PXDNL: variants seen among roughly 807,000 people sequenced by gnomAD.
PXDNL encodes probable oxidoreductase PXDNL.
In PXDNL, 145 loss-of-function variants were observed where a neutral mutation model predicts 150.8. The observed-to-expected ratio is 0.96, with a 90% CI of 0.84 to 1.10. PXDNL has a LOEUF of 1.10. Among genes scored for constraint, PXDNL ranks in the 50% least tolerant of loss-of-function variants. The pLI is 0.00. For missense variants in PXDNL, 2,087 were observed against 1,873.9 expected, an observed-to-expected ratio of 1.11 and a Z score of -2.10; for synonymous variants, 757 against 725.7, an observed-to-expected ratio of 1.04 and a Z score of -0.69.
At chr8:51,391,494 G>A (rs898531970) in intron 17 of PXDNL, among the ~76,000 whole-genome samples, 1 of 152,236 alleles carries the variant, frequency 6.6e-6, no homozygotes, top group African/African-American at 2.4e-5. Context: ...GATGGCAAGT[G>A]ATGGTGAGCA....
At chr8:51,564,561 A>G (rs1385782916) in intron 3 of PXDNL, among the ~76,000 whole-genome samples, 1 of 151,638 alleles carries the variant, frequency 6.6e-6, no homozygotes, top group Non-Finnish European at 1.5e-5. Flanking sequence ...CTACTTGGAC[A>G]CATTTGTGTC....
intron 4 of PXDNL, among the ~76,000 whole-genome samples, chr8:51,551,144 A>C (rs541576087): frequency 6.6e-6 from 1 of 152,194 alleles, no homozygotes; most frequent in South Asian, 2.1e-4. Context: ...TCTCTAAAAC[A>C]GAAACTAAAA....
At chr8:51,596,772 A>G (rs1378360989) in intron 2 of PXDNL, among the ~76,000 whole-genome samples, 1 of 151,752 alleles carries the variant, frequency 6.6e-6, no homozygotes, top group African/African-American at 2.4e-5. Flanking sequence ...TGCTTGTTCA[A>G]TTGTTTAAGT....
rs557820132 is a variant in PXDNL, at chr8:51,571,283, G to A, written c.309-14372C>T. 1.3e-4 allele frequency among the ~76,000 whole-genome samples: 20 copies of A among 151,840 alleles called. 1 individual carries two copies. In the South Asian group the frequency reaches 3.9e-3, roughly 30 times the overall value. ...TTTGATTCGACATTTATTCATTTTG[G>A]AAATAAGGTATTAGATTATTGCCAG... On this transcript the variant is annotated intron_variant, in intron 3 of 22. Coordinates refer to ENST00000356297, the MANE Select transcript of PXDNL (RefSeq NM_144651.5).
At chr8:51,611,157 T>C (rs138098356) in intron 2 of PXDNL, among the ~76,000 whole-genome samples, 99 of 152,182 alleles carry the variant, frequency 6.5e-4, no homozygotes, top group Non-Finnish European at 1.8e-4. Flanking sequence ...TTTATTTGTA[T>C]ATCCAAGCAA....
intron 2 of PXDNL, among the ~76,000 whole-genome samples, chr8:51,639,761 T>C (rs1814700221): frequency 6.6e-6 from 1 of 152,154 alleles, no homozygotes; most frequent in Non-Finnish European, 1.5e-5. Context: ...CACAGCCGAA[T>C]TCTACCAGAG....
At chr8:51,459,668 A>C (rs551153211) in intron 8 of PXDNL, among the ~76,000 whole-genome samples, 1 of 152,326 alleles carries the variant, frequency 6.6e-6, no homozygotes, top group East Asian at 1.9e-4. Flanking sequence ...TTCCCAAAAA[A>C]TCAAAGTCTT....
intron 19 of PXDNL, among the ~76,000 whole-genome samples, chr8:51,351,739 T>A (rs1586024903): frequency 6.6e-6 from 1 of 152,180 alleles, no homozygotes; most frequent in East Asian, 1.9e-4. Flanking sequence ...TCATGTCATC[T>A]GGGGCAGAAT....
intron 13 of PXDNL, among the ~76,000 whole-genome samples, chr8:51,424,178 C>T (rs1809028855): frequency 6.6e-6 from 1 of 151,930 alleles, no homozygotes; most frequent in Non-Finnish European, 1.5e-5. Context: ...GCCTGGGTGA[C>T]ATAGCAAGAC....
chr8:51,515,758 G>A (rs1811521111), intron 4 of PXDNL, among the ~76,000 whole-genome samples: 1 of 152,180 alleles, frequency 6.6e-6, no homozygotes, highest in Admixed American at 6.5e-5. Flanking sequence ...TCTTTTGGAA[G>A]TTTCATGGGT....
chr8:51,557,719 A>G (rs1237725423), intron 3 of PXDNL, among the ~76,000 whole-genome samples: 4 of 152,116 alleles, frequency 2.6e-5, no homozygotes, highest in Non-Finnish European at 5.9e-5. Flanking sequence ...TTCACCCACA[A>G]ACCTACTCAA....
chr8:51,703,485 T>C (rs772264893), intron 1 of PXDNL, among the ~76,000 whole-genome samples: 13 of 152,214 alleles, frequency 8.5e-5, no homozygotes, highest in Non-Finnish European at 1.9e-4. Flanking sequence ...TCTCAGGATT[T>C]GATTTGTTTT....
intron 1 of PXDNL, among the ~76,000 whole-genome samples, chr8:51,775,767 C>T (rs999597506): frequency 1.5e-4 from 23 of 152,048 alleles, no homozygotes; most frequent in Non-Finnish European, 2.9e-4. Context: ...ATTAACTGCA[C>T]AAATTGTTTA....
In PXDNL at chr8:51,748,695, G is replaced by A. The variant is rs141238524; in HGVS notation, c.164+60486C>T. ...TGAGGATCTGGACAAAGAACAACAC[G>A]AGGTCACGAGCCCCTGGGCCCACCC... On this transcript the variant is annotated intron_variant, in intron 1 of 22. Transcript: ENST00000356297. Among the ~76,000 whole-genome samples, 209 of 152,256 alleles carry A rather than the reference G, an allele frequency of 1.4e-3. 1 individual carries two copies. The highest frequency in any genetic ancestry group is 4.8e-3 in the African/African-American group (200 of 41,542).
At chr8:51,626,425 T>C (rs6980715) in intron 2 of PXDNL, among the ~76,000 whole-genome samples, 144,769 of 152,296 alleles carry the variant, frequency 0.95, 68,868 homozygotes, top group East Asian at 0.98. Context: ...AGCTGTCACT[T>C]ATTGTGGTGA....
chr8:51,319,900 C>T lies in PXDNL; in HGVS notation c.4383G>A (p.Glu1461=). 1 of 1,537,590 alleles carries T rather than the reference C, an allele frequency of 6.5e-7. No individual in the cohort carries two copies. The highest frequency in any genetic ancestry group is 8.7e-7 in the Non-Finnish European group (1 of 1,145,240). ...CAGCACAAAACTTTTATTAGCGCTT[C>T]TCTGGGGAATCACTTGGCATTCCTC... ...RDRGMPSDSP[E]KR The change falls in exon 23 of 23, where the codon GAG becomes GAA. Residue 1461 remains glutamate (E), a synonymous_variant. Coordinates refer to ENST00000356297, the MANE Select transcript of PXDNL (RefSeq NM_144651.5).
At chr8:51,557,275 AG>A (rs1812619599) in intron 3 of PXDNL, among the ~76,000 whole-genome samples, 1 of 152,140 alleles carries the variant, frequency 6.6e-6, no homozygotes, top group African/African-American at 2.4e-5. Context: ...TTCAACTGGT[AG>A]TTATAAAACT....
chr8:51,445,461 T>A (rs1001880610), intron 12 of PXDNL, among the ~76,000 whole-genome samples: 1 of 152,358 alleles, frequency 6.6e-6, no homozygotes, highest in African/African-American at 2.4e-5. Flanking sequence ...CACCTACGGA[T>A]ATGTAGTAGA....
intron 1 of PXDNL, among the ~76,000 whole-genome samples, chr8:51,801,008 G>A (rs1316189813): frequency 1.3e-5 from 2 of 152,226 alleles, no homozygotes; most frequent in East Asian, 3.8e-4. Context: ...CTGACTGCCT[G>A]CGGGGTTGGG....
Sources: allele counts gnomAD v4.1 joint callset (sites outside exome capture counted in the v4.1 genomes callset), GRCh38; gene constraint gnomAD v4.1.1; transcripts MANE v1.5; gene names NCBI Gene and HGNC (gene_info 2026-07-23, HGNC 2026-07-21).